Variants in DACH1 observed in about 807,000 individuals in gnomAD.
The protein encoded by DACH1 is dachshund family transcription factor 1.
In DACH1, 12 loss-of-function variants were observed where a neutral mutation model predicts 54.2. The observed-to-expected ratio is 0.22, with a 90% CI of 0.14 to 0.36. DACH1 has a LOEUF of 0.36. Ranked by LOEUF, DACH1 falls within the 10% of genes least tolerant of loss-of-function variation. The pLI is 1.00. For missense variants in DACH1, 805 were observed against 929.8 expected (o/e 0.87, Z 1.75); for synonymous variants, 386 against 366.2 (o/e 1.05, Z -0.62).
At chr13:71,497,425 G>C (rs531397030) in intron 6 of DACH1, among the ~76,000 whole-genome samples, 17 of 151,768 alleles carry the variant, frequency 1.1e-4, no homozygotes, top group Non-Finnish European at 1.9e-4. Flanking sequence ...TCTGCATCCT[G>C]GGTTCAGGTG....
Position 71,670,583 on chromosome 13 carries a change from A to C in DACH1, c.964+11212T>G, listed in dbSNP as rs537920357. On this transcript the variant is annotated intron_variant, in intron 2 of 10. Transcript: ENST00000613252. ...GTTATGAAATAATACTATTAGCAAAATCTATAGAGTATATGTGAATATGAA... is the reference window on the plus strand; with the variant it reads ...GTTATGAAATAATACTATTAGCAAACTCTATAGAGTATATGTGAATATGAA... Among the ~76,000 whole-genome samples the C allele has an allele frequency of 2.0e-3, 297 of 152,214 alleles. 1 individual carries two copies. The highest frequency in any genetic ancestry group is 6.8e-3 in the African/African-American group (283 of 41,576).
At chr13:71,818,427 G>A (rs968514869) in intron 1 of DACH1, among the ~76,000 whole-genome samples, 6 of 152,112 alleles carry the variant, frequency 3.9e-5, no homozygotes, top group African/African-American at 1.4e-4. Flanking sequence ...CTTGATGGTA[G>A]GTGAATTTGG....
At chr13:71,541,969 C>T (rs541619385) in intron 6 of DACH1, among the ~76,000 whole-genome samples, 7 of 143,860 alleles carry the variant, frequency 4.9e-5, no homozygotes, top group African/African-American at 1.3e-4. Flanking sequence ...AATTTCAGGC[C>T]GGGTACGATG....
rs1883254880 is a variant in DACH1, at chr13:71,722,102, C to T, written c.849-40192G>A. On this transcript the variant is annotated intron_variant, in intron 1 of 10. Coordinates refer to ENST00000613252, the MANE Select transcript of DACH1 (RefSeq NM_080759.6). The stretch of plus-strand genomic sequence containing the variant: ...TTAGCAGTATACAACCAGCATATGC[C>T]ATTTGCTATAAATGAGTTTCTGTAT... Among the ~76,000 whole-genome samples, 3 of 152,008 alleles carry T rather than the reference C, an allele frequency of 2.0e-5. No homozygotes were observed. The South Asian group carries it at 6.2e-4, about 32-fold the overall frequency.
intron 1 of DACH1, among the ~76,000 whole-genome samples, chr13:71,708,003 A>T (rs560798966): frequency 2.0e-5 from 3 of 152,138 alleles, no homozygotes; most frequent in Non-Finnish European, 4.4e-5. Context: ...ATACTTGGTG[A>T]GTAATCTAAC....
At chr13:71,652,138 C>T (rs983001993) in intron 2 of DACH1, among the ~76,000 whole-genome samples, 4 of 152,246 alleles carry the variant, frequency 2.6e-5, no homozygotes, top group East Asian at 1.9e-4. Flanking sequence ...GATCACTGAT[C>T]GGTCTTTAGA....
intron 1 of DACH1, among the ~76,000 whole-genome samples, chr13:71,834,400 G>T: frequency 6.6e-6 from 1 of 151,964 alleles, no homozygotes; most frequent in African/African-American, 2.4e-5. Context: ...TGATGCAAAG[G>T]TTCTCATATA....
In DACH1 at chr13:71,812,494, G is replaced by T. The variant is rs1199869085; in HGVS notation, c.848+53428C>A. Among the ~76,000 whole-genome samples, 4 of 147,418 alleles carry T rather than the reference G, an allele frequency of 2.7e-5. No individual in the cohort carries two copies. In the East Asian group the frequency reaches 5.9e-4, roughly 22 times the overall value. On this transcript the variant is annotated intron_variant, in intron 1 of 10. Transcript: ENST00000613252. The stretch of plus-strand genomic sequence containing the variant: ...ATCAGTATTTAGAGGACAGGTCAAA[G>T]GTGGTTAGAGGCATCAAAATGGCAC...
chr13:71,570,300 A>G (rs926664772), intron 4 of DACH1, among the ~76,000 whole-genome samples: 1 of 152,106 alleles, frequency 6.6e-6, no homozygotes, highest in African/African-American at 2.4e-5. Flanking sequence ...GCCTTTCTTA[A>G]AATGTGTTTA....
intron 2 of DACH1, among the ~76,000 whole-genome samples, chr13:71,653,376 G>A (rs569044819): frequency 1.8e-4 from 28 of 152,340 alleles, no homozygotes; most frequent in Admixed American, 4.6e-4. Flanking sequence ...CTAAGCCTGA[G>A]TGAAGTATGA....
At chr13:71,690,061 T>C (rs983543048) in intron 1 of DACH1, among the ~76,000 whole-genome samples, 3 of 152,172 alleles carry the variant, frequency 2.0e-5, no homozygotes. Flanking sequence ...ATGGATATAT[T>C]CTTGCCTCAA....
intron 2 of DACH1, among the ~76,000 whole-genome samples, chr13:71,671,795 A>G (rs933639637): frequency 3.3e-5 from 5 of 152,098 alleles, no homozygotes; most frequent in Admixed American, 3.3e-4. Flanking sequence ...TTTCTGTCAG[A>G]AGGAAAATTT....
chr13:71,441,043 C>T (rs1351770519), intron 10 of DACH1, among the ~76,000 whole-genome samples: 1 of 151,946 alleles, frequency 6.6e-6, no homozygotes, highest in Non-Finnish European at 1.5e-5. Context: ...GCTTGCAGAA[C>T]CAAATTTTCT....
chr13:71,619,618 C>A (rs1876056702), intron 3 of DACH1, among the ~76,000 whole-genome samples: 4 of 151,134 alleles, frequency 2.6e-5, no homozygotes, highest in South Asian at 2.1e-4. Flanking sequence ...CTATATTTTC[C>A]CAAAATAAAA....
chr13:71,673,786 G>A (rs761181926), intron 2 of DACH1, among the ~76,000 whole-genome samples: 5 of 152,128 alleles, frequency 3.3e-5, no homozygotes, highest in Non-Finnish European at 2.9e-5. Flanking sequence ...TATGTTCCAT[G>A]CTACTATGTT....
At chr13:71,732,356 G>A (rs1030021737) in intron 1 of DACH1, among the ~76,000 whole-genome samples, 4 of 151,798 alleles carry the variant, frequency 2.6e-5, no homozygotes, top group Admixed American at 6.6e-5. Flanking sequence ...AGGCCGAGGC[G>A]GATGAATCTC....
intron 6 of DACH1, among the ~76,000 whole-genome samples, chr13:71,511,181 G>A (rs1398539143): frequency 1.3e-5 from 2 of 151,946 alleles, no homozygotes; most frequent in East Asian, 1.9e-4. Context: ...CACATGACAC[G>A]CATGTGAGTA....
chr13:71,629,655 C>A (rs1876935963), intron 3 of DACH1, among the ~76,000 whole-genome samples: 1 of 152,008 alleles, frequency 6.6e-6, no homozygotes. Context: ...TATGAAAATG[C>A]TGCATGGAAA....
intron 10 of DACH1, among the ~76,000 whole-genome samples, chr13:71,470,913 G>A (rs1877012943): frequency 6.6e-6 from 1 of 152,152 alleles, no homozygotes; most frequent in Non-Finnish European, 1.5e-5. Context: ...TGCATGTACA[G>A]ATGTTCCTAT....
Sources: allele counts gnomAD v4.1 joint callset (sites outside exome capture counted in the v4.1 genomes callset), GRCh38; gene constraint gnomAD v4.1.1; transcripts MANE v1.5; gene names NCBI Gene and HGNC (gene_info 2026-07-23, HGNC 2026-07-21).